Variants in NME7 observed in about 807,000 individuals in gnomAD.
NME7 encodes nucleoside diphosphate kinase 7.
In NME7, 41 loss-of-function variants were observed where a neutral mutation model predicts 49.1. The ratio of observed to expected loss-of-function variants is 0.83; its 90% confidence interval spans 0.65 to 1.08. NME7 has a LOEUF of 1.08. NME7 is among the 50% of genes least tolerant of loss of function. The probability of loss-of-function intolerance (pLI) is 0.00; values close to 1 mark genes in which losing one functional copy is unlikely to be tolerated. For missense variants in NME7, 423 were observed against 463.4 expected, an observed-to-expected ratio of 0.91 and a Z score of 0.80; for synonymous variants, 139 against 150.6, an observed-to-expected ratio of 0.92 and a Z score of 0.56.
At chr1:169,323,652 T>C (rs1651939206) in intron 2 of NME7, among the ~76,000 whole-genome samples, 1 of 152,128 alleles carries the variant, frequency 6.6e-6, no homozygotes, top group South Asian at 2.1e-4. Context: ...ATCTACTTGT[T>C]AAAATTGTGT....
chr1:169,235,977 T>C (rs1189306878), intron 8 of NME7, among the ~76,000 whole-genome samples: 1 of 152,100 alleles, frequency 6.6e-6, no homozygotes, highest in Non-Finnish European at 1.5e-5. Flanking sequence ...TTCCCAGTTT[T>C]ATTTTCCCTC....
intron 3 of NME7, among the ~76,000 whole-genome samples, chr1:169,311,537 A>G (rs1253131431): frequency 6.6e-6 from 1 of 152,002 alleles, no homozygotes; most frequent in Non-Finnish European, 1.5e-5. Flanking sequence ...ATTACAAATT[A>G]TACCAGATAA....
chr1:169,253,651 C>T (rs894779307), intron 7 of NME7, among the ~76,000 whole-genome samples: 25 of 152,204 alleles, frequency 1.6e-4, no homozygotes, highest in East Asian at 3.9e-4. Flanking sequence ...AGTTTTCAAA[C>T]GGAATGCTTC....
intron 7 of NME7, among the ~76,000 whole-genome samples, chr1:169,274,359 G>A (rs1312196200): frequency 7.5e-6 from 1 of 132,906 alleles, no homozygotes; most frequent in African/African-American, 2.5e-5. Flanking sequence ...GTAGATTCTG[G>A]ATATTAGCCC....
intron 1 of NME7, among the ~76,000 whole-genome samples, chr1:169,350,182 G>A (rs1207499908): frequency 7.2e-6 from 1 of 139,706 alleles, no homozygotes; most frequent in South Asian, 2.1e-4. Context: ...AGAAAGGAAG[G>A]AAAGGAAGGA....
intron 7 of NME7, among the ~76,000 whole-genome samples, chr1:169,283,203 C>T (rs1381459075): frequency 6.6e-6 from 1 of 151,962 alleles, no homozygotes; most frequent in Non-Finnish European, 1.5e-5. Flanking sequence ...TAATGTAATG[C>T]CCTTCTTTGT....
At chr1:169,134,663 C>T (rs901197064) in intron 11 of NME7, among the ~76,000 whole-genome samples, 1 of 152,060 alleles carries the variant, frequency 6.6e-6, no homozygotes, top group African/African-American at 2.4e-5. Flanking sequence ...TAAGATGTTA[C>T]CTAGCTAGGA....
intron 10 of NME7, among the ~76,000 whole-genome samples, chr1:169,180,581 C>A (rs1158500412): frequency 6.6e-6 from 1 of 152,126 alleles, no homozygotes; most frequent in Non-Finnish European, 1.5e-5. Context: ...GATTCCAGAC[C>A]AAGGTGAGCA....
chr1:169,207,356 G>A (rs1032200167), intron 10 of NME7, among the ~76,000 whole-genome samples: 2 of 152,122 alleles, frequency 1.3e-5, no homozygotes, highest in African/African-American at 2.4e-5. Flanking sequence ...CTCCAATGCT[G>A]AGAATCACAT....
chr1:169,184,641 T>G (rs1660019202), intron 10 of NME7, among the ~76,000 whole-genome samples: 1 of 152,218 alleles, frequency 6.6e-6, no homozygotes, highest in Non-Finnish European at 1.5e-5. Context: ...TTTGTTAATC[T>G]GTCCCTCTAC....
chr1:169,149,245 G>A (rs1658842242), intron 11 of NME7, among the ~76,000 whole-genome samples: 1 of 152,152 alleles, frequency 6.6e-6, no homozygotes, highest in Non-Finnish European at 1.5e-5. Context: ...GGAGGCCAAG[G>A]CAGGAGATTT....
intron 6 of NME7, among the ~76,000 whole-genome samples, chr1:169,296,552 T>C (rs924168470): frequency 1.3e-5 from 2 of 152,126 alleles, no homozygotes; most frequent in Non-Finnish European, 2.9e-5. Flanking sequence ...TCAACCAGTC[T>C]CCCGGCTTTA....
chr1:169,227,734 G>A (rs1299071918), intron 10 of NME7, among the ~76,000 whole-genome samples: 1 of 151,964 alleles, frequency 6.6e-6, no homozygotes, highest in Non-Finnish European at 1.5e-5. Flanking sequence ...ACCTCCCAAA[G>A]GCCCCACTTC....
intron 10 of NME7, among the ~76,000 whole-genome samples, chr1:169,227,313 A>G (rs533423500): frequency 1.3e-5 from 2 of 152,264 alleles, no homozygotes; most frequent in Admixed American, 6.5e-5. Flanking sequence ...AACTTTAACC[A>G]TATCATTTGC....
intron 7 of NME7, chr1:169,247,210 G>GCC: frequency 2.6e-6 from 1 of 385,478 alleles, no homozygotes. Context: ...TGAAAACTGT[G>GCC]TAAGATTGGG....
chr1:169,150,321 C>G (rs1249680067), intron 11 of NME7, among the ~76,000 whole-genome samples: 1 of 152,100 alleles, frequency 6.6e-6, no homozygotes, highest in Non-Finnish European at 1.5e-5. Flanking sequence ...GCTAGTCTAT[C>G]TGTATACTTG....
At chr1:169,140,912 C>T (rs571544391) in intron 11 of NME7, among the ~76,000 whole-genome samples, 14 of 152,156 alleles carry the variant, frequency 9.2e-5, no homozygotes, top group South Asian at 2.1e-4. Context: ...AGGTCCTAGA[C>T]GTCCACATTT....
intron 6 of NME7, among the ~76,000 whole-genome samples, chr1:169,295,731 C>T (rs1407651571): frequency 6.6e-6 from 1 of 152,178 alleles, no homozygotes; most frequent in Non-Finnish European, 1.5e-5. Context: ...ATGAACACTA[C>T]ATGGGCCATT....
At chr1:169,197,043 T>A (rs369710359) in intron 10 of NME7, among the ~76,000 whole-genome samples, 2 of 152,132 alleles carry the variant, frequency 1.3e-5, no homozygotes, top group African/African-American at 4.8e-5. Context: ...TTAAGCTGAG[T>A]GAGTGACCTG....
Sources: allele counts gnomAD v4.1 joint callset (sites outside exome capture counted in the v4.1 genomes callset), GRCh38; gene constraint gnomAD v4.1.1; transcripts MANE v1.5; gene names NCBI Gene and HGNC (gene_info 2026-07-23, HGNC 2026-07-21).